Variants in RBFOX3 observed in about 807,000 individuals in gnomAD.
The protein encoded by RBFOX3 is RNA binding fox-1 homolog 3, also known as RNA binding protein fox-1 homolog 3.
In RBFOX3, 17 loss-of-function variants were observed where a neutral mutation model predicts 48.7. The observed-to-expected ratio is 0.35, with a 90% CI of 0.24 to 0.52. The LOEUF is 0.52. RBFOX3 is among the 20% of genes least tolerant of loss of function. The probability of loss-of-function intolerance (pLI) is 0.94; values close to 1 mark genes in which losing one functional copy is unlikely to be tolerated. For missense variants in RBFOX3, 382 were observed against 497.5 expected (o/e 0.77, Z 2.21); for synonymous variants, 212 against 209.5 (o/e 1.01, Z -0.10).
chr17:79,099,057 T>A (rs2075953393), intron 9 of RBFOX3: 1 of 152,246 alleles, frequency 6.6e-6, no homozygotes, highest in Non-Finnish European at 1.5e-5. Flanking sequence ...CAACCTTGTG[T>A]CTGGACGCCA....
At chr17:79,352,415 G>C (rs2084131241) in intron 2 of RBFOX3, among the ~76,000 whole-genome samples, 1 of 152,154 alleles carries the variant, frequency 6.6e-6, no homozygotes. Flanking sequence ...CATGCTTCCT[G>C]TGCAGCCTGC....
At chr17:79,342,244 C>G (rs1279168463) in intron 2 of RBFOX3, among the ~76,000 whole-genome samples, 1 of 152,286 alleles carries the variant, frequency 6.6e-6, no homozygotes, top group Non-Finnish European at 1.5e-5. Context: ...GACTTTGCGG[C>G]TTGTCAGGGT....
intron 3 of RBFOX3, among the ~76,000 whole-genome samples, chr17:79,284,766 C>T (rs1332766021): frequency 6.6e-6 from 1 of 152,080 alleles, no homozygotes; most frequent in Non-Finnish European, 1.5e-5. Context: ...TGTCGAACTC[C>T]TGACCTCAGG....
chr17:79,166,020 G>A (rs774627889), intron 4 of RBFOX3, among the ~76,000 whole-genome samples: 44 of 152,236 alleles, frequency 2.9e-4, no homozygotes, highest in Non-Finnish European at 5.9e-4. Flanking sequence ...TTACACAGAG[G>A]GAAACTGAGG....
intron 2 of RBFOX3, among the ~76,000 whole-genome samples, chr17:79,315,207 G>A (rs1219937360): frequency 2.0e-5 from 3 of 152,164 alleles, no homozygotes; most frequent in African/African-American, 7.2e-5. Context: ...GAGTGATTCC[G>A]GAGGGAGCCA....
At chr17:79,543,158 C>T (rs1444652002) in intron 1 of RBFOX3, among the ~76,000 whole-genome samples, 1 of 152,164 alleles carries the variant, frequency 6.6e-6, no homozygotes, top group African/African-American at 2.4e-5. Flanking sequence ...ACACTCAGAA[C>T]CGTATCTTTG....
At chr17:79,436,512 G>A (rs782740309) in intron 2 of RBFOX3, among the ~76,000 whole-genome samples, 2 of 152,182 alleles carry the variant, frequency 1.3e-5, no homozygotes, top group African/African-American at 2.4e-5. Flanking sequence ...GCAGAGCCCA[G>A]GACACCCGGG....
intron 4 of RBFOX3, among the ~76,000 whole-genome samples, chr17:79,184,140 C>G (rs1242268381): frequency 3.9e-5 from 6 of 152,250 alleles, no homozygotes; most frequent in African/African-American, 1.4e-4. Flanking sequence ...TACGCAGAGG[C>G]TTCCGCGCTG....
At chr17:79,529,102 G>A (rs958672816) in intron 1 of RBFOX3, among the ~76,000 whole-genome samples, 2 of 152,072 alleles carry the variant, frequency 1.3e-5, no homozygotes, top group African/African-American at 2.4e-5. Context: ...ATTTAACACC[G>A]GAAGGACACT....
chr17:79,210,455 C>T (rs1252889925), intron 4 of RBFOX3, among the ~76,000 whole-genome samples: 2 of 152,226 alleles, frequency 1.3e-5, no homozygotes, highest in Non-Finnish European at 2.9e-5. Context: ...TCAGGTCTCA[C>T]GGCCGCACAA....
At chr17:79,611,135 T>C (rs1284795614), upstream of RBFOX3, among the ~76,000 whole-genome samples, 8 of 22,302 alleles carry the variant, frequency 3.6e-4, no homozygotes, top group African/African-American at 8.5e-4. Flanking sequence ...CCTCCTTCTC[T>C]CTCTCTCTCT....
chr17:79,315,274 C>T (rs1490895170), intron 2 of RBFOX3, among the ~76,000 whole-genome samples: 1 of 152,208 alleles, frequency 6.6e-6, no homozygotes, highest in African/African-American at 2.4e-5. Flanking sequence ...AGACTCTAGA[C>T]CATCCATGTC....
At chr17:79,381,572 C>T (rs1239960749) in intron 2 of RBFOX3, among the ~76,000 whole-genome samples, 3 of 152,122 alleles carry the variant, frequency 2.0e-5, no homozygotes, top group African/African-American at 4.8e-5. Flanking sequence ...TCCATGTTCC[C>T]CTCAACCCAC....
At chr17:79,132,254 G>A (rs546805406) in intron 4 of RBFOX3, among the ~76,000 whole-genome samples, 14 of 144,526 alleles carry the variant, frequency 9.7e-5, no homozygotes, top group East Asian at 4.6e-4. Context: ...TCTCTGCAGC[G>A]GGTAGACTGG....
At chr17:79,488,344 C>G (rs1283402349) in intron 1 of RBFOX3, among the ~76,000 whole-genome samples, 3 of 73,364 alleles carry the variant, frequency 4.1e-5, no homozygotes, top group Non-Finnish European at 6.0e-5. Context: ...GCGGAGCCCC[C>G]CATTTCACTA....
At chr17:79,161,058 T>G (rs1489781097) in intron 4 of RBFOX3, among the ~76,000 whole-genome samples, 1 of 151,558 alleles carries the variant, frequency 6.6e-6, no homozygotes, top group Admixed American at 6.6e-5. Flanking sequence ...GCAAGGAAGA[T>G]GTCTATCTGG....
intron 1 of RBFOX3, among the ~76,000 whole-genome samples, chr17:79,499,563 C>A (rs1370372736): frequency 1.3e-5 from 2 of 152,346 alleles, no homozygotes; most frequent in East Asian, 3.9e-4. Context: ...TACTACAAAG[C>A]CTGAAATGTG....
At chr17:79,394,212 C>T (rs574411389) in intron 2 of RBFOX3, among the ~76,000 whole-genome samples, 2 of 152,166 alleles carry the variant, frequency 1.3e-5, no homozygotes. Context: ...CTGAGATCTG[C>T]GAGAATGGAC....
At chr17:79,122,540 G>A (rs1239374465) in intron 4 of RBFOX3, among the ~76,000 whole-genome samples, 1 of 152,114 alleles carries the variant, frequency 6.6e-6, no homozygotes, top group African/African-American at 2.4e-5. Context: ...GCTTAAATCC[G>A]AAAGACAGGC....
Sources: allele counts gnomAD v4.1 joint callset (sites outside exome capture counted in the v4.1 genomes callset), GRCh38; gene constraint gnomAD v4.1.1; transcripts MANE v1.5; gene names NCBI Gene and HGNC (gene_info 2026-07-23, HGNC 2026-07-21).